ZNF486: variants seen among roughly 807,000 people sequenced by gnomAD.
The protein encoded by ZNF486 is KRAB box only protein 2.
ZNF486 carries 12 observed loss-of-function variants against 12.8 expected under a neutral mutation model. That is an observed-to-expected ratio of 0.94 (90% CI 0.60 to 1.52). The LOEUF (loss-of-function observed/expected upper bound fraction) is 1.52. ZNF486 is among the 40% of genes most tolerant of loss of function. The pLI is 0.00. For missense variants in ZNF486, 738 were observed against 545.0 expected (o/e 1.35, Z -3.53); for synonymous variants, 231 against 184.9 (o/e 1.25, Z -2.02).
intron 1 of ZNF486, among the ~76,000 whole-genome samples, chr19:20,169,518 A>T (rs75714082): frequency 1.3e-5 from 2 of 152,232 alleles, no homozygotes; most frequent in African/African-American, 4.8e-5. Flanking sequence ...GAGAGAAGCT[A>T]CGGAGCCCTG....
At chr19:20,168,139 A>G (rs1205746462) in intron 1 of ZNF486, among the ~76,000 whole-genome samples, 2 of 151,634 alleles carry the variant, frequency 1.3e-5, no homozygotes, top group Non-Finnish European at 1.5e-5. Flanking sequence ...AGGCGGGAGG[A>G]TCTTGTGGTC....
intron 1 of ZNF486, chr19:20,176,099 A>G: frequency 5.5e-6 from 1 of 181,640 alleles, no homozygotes; most frequent in South Asian, 8.8e-5. Flanking sequence ...GGGTCTCCTC[A>G]CCTCTCAGAT....
At position 20,197,736 on chromosome 19, in the gene ZNF486, G is replaced by T; in HGVS notation, c.1026G>T (p.Lys342Asn). The change falls in exon 4 of 4, where the codon AAG becomes AAT. Residue 342 changes from lysine (K) to asparagine (N), a missense_variant. Lys to Asn is a moderately conservative substitution (Grantham distance 94). Transcript: ENST00000335117. ...ISSSILSKHE[K>N]IHTGEKPYKC... is the part of the protein sequence containing the mutation. The stretch of plus-strand genomic sequence containing the variant: ...CCTCGATCCTTAGTAAACATGAGAA[G>T]ATTCATACGGGAGAGAAACCCTACA... The T allele has an allele frequency of 6.2e-7, 1 of 1,606,754 alleles. No individual in the cohort carries two copies. Among genetic ancestry groups the T allele is most frequent in the Non-Finnish European group, 8.5e-7 (1 of 1,177,560 alleles).
In ZNF486 at chr19:20,198,372, G is replaced by T; in HGVS notation, c.*270G>T. The T allele has an allele frequency of 2.5e-6, 1 of 394,980 alleles. No individual in the cohort carries two copies. The allele number at this position is 394,980 out of a possible 1,614,324, so 24.5% of individuals were successfully genotyped here. A position where few individuals can be genotyped will look rare whatever the true frequency, so the allele number is the denominator to read the frequency against. On this transcript the variant is annotated 3_prime_UTR_variant, in exon 4 of 4. Coordinates refer to ENST00000335117, the MANE Select transcript of ZNF486 (RefSeq NM_052852.4). The stretch of plus-strand genomic sequence containing the variant: ...CCTGCTTTGGCCTCCCAAAGTGTTG[G>T]GGTTACAGGCATGAGCCACTGTGCC...
In ZNF486 at chr19:20,197,457, C is replaced by T; in HGVS notation, c.747C>T (p.Tyr249=). The T allele has an allele frequency of 6.2e-7, 1 of 1,608,872 alleles. No homozygotes were observed. Among genetic ancestry groups the T allele is most frequent in the South Asian group, 1.1e-5 (1 of 90,570 alleles). Residue 249 remains tyrosine (Y), a synonymous_variant, in exon 4 of 4, where the codon TAC becomes TAT. Transcript: ENST00000335117. Reference sequence around the variant, plus strand: ...AAGAATGTGGCAAAGTCTTTAAGTACTTCTCTAGCTTTACTACACATAAGA... The same window carrying T: ...AAGAATGTGGCAAAGTCTTTAAGTATTTCTCTAGCTTTACTACACATAAGA... ...KCEECGKVFK[Y]FSSFTTHKKI...
Position 20,197,504 on chromosome 19 carries a change from C to T in ZNF486, c.794C>T (p.Pro265Leu). The T allele has an allele frequency of 6.2e-7, 1 of 1,609,310 alleles. No homozygotes were observed. Among genetic ancestry groups the T allele is most frequent in the Non-Finnish European group, 8.5e-7 (1 of 1,177,380 alleles). The change falls in exon 4 of 4, where the codon CCC becomes CTC. Residue 265 changes from proline to leucine, a missense_variant. By Grantham distance (98) the Pro-to-Leu change is moderately conservative. Transcript: ENST00000335117. ...AAGAAAATTCATAGTGGAGAGAAAC[C>T]CTACATTTGTGAAGAATGTGGCAAA... The part of the protein sequence containing the change: ...THKKIHSGEK[P>L]YICEECGKAF...
In ZNF486 at chr19:20,167,356, A is replaced by C. The variant is rs781995544; in HGVS notation, c.26A>C (p.Glu9Ala). Reference sequence around the variant, plus strand: ...ATGCCGGGACCCCTTAGAAGCCTAGAAATGGTGAGAGTGCCCATTGGACAT... The same window carrying C: ...ATGCCGGGACCCCTTAGAAGCCTAGCAATGGTGAGAGTGCCCATTGGACAT... MPGPLRSLEMESLQFRDVA... is the reference protein window; with the variant it reads MPGPLRSLAMESLQFRDVA... Residue 9 changes from glutamate to alanine, a missense_variant, in exon 1 of 4, where the codon GAA (glutamate) becomes GCA (alanine). Transcript: ENST00000335117. 6.2e-7 allele frequency: 1 copy of C among 1,613,774 alleles called. No individual in the cohort carries two copies. Among genetic ancestry groups the C allele is most frequent in the South Asian group, 1.1e-5 (1 of 91,048 alleles).
chr19:20,176,784 A>C (rs977796170), intron 1 of ZNF486: 1 of 153,032 alleles, frequency 6.5e-6, no homozygotes, highest in Non-Finnish European at 1.5e-5. Flanking sequence ...AGTACAGTCC[A>C]GCTTCGGCTC....
In ZNF486 at chr19:20,198,177, C is replaced by T. The variant is rs1452519446; in HGVS notation, c.*75C>T. 2 of 1,390,986 alleles carry T rather than the reference C, an allele frequency of 1.4e-6. No homozygotes were observed. Among genetic ancestry groups the T allele is most frequent in the African/African-American group, 1.5e-5 (1 of 68,626 alleles). The allele number at this position is 1,390,986 out of a possible 1,614,324, so 86.2% of individuals were successfully genotyped here. ...TGTTTCCCAGGCTGGAGTGCAATGG[C>T]ATAATTTTGGCTCACCACAACCTCC... On this transcript the variant is annotated 3_prime_UTR_variant, in exon 4 of 4. Transcript: ENST00000335117.
intron 1 of ZNF486, chr19:20,175,137 A>C (rs2089691486): frequency 6.6e-6 from 1 of 152,098 alleles, no homozygotes; most frequent in Non-Finnish European, 1.5e-5. Flanking sequence ...AAAATCTGCC[A>C]CCTTTCTTCA....
chr19:20,170,036 G>A lies in ZNF486; in HGVS notation c.30+2676G>A, dbSNP rs1018811810. Among the ~76,000 whole-genome samples the A allele has an allele frequency of 5.9e-5, 9 of 151,430 alleles. 1 individual carries two copies. The South Asian group carries it at 6.3e-4, about 11-fold the overall frequency. On this transcript the variant is annotated intron_variant, in intron 1 of 3. Transcript: ENST00000335117. ...CTCCCGAGTAGCTGGGACTACAGGC[G>A]CCCGCCACCACGCCCGGCTAATTTT... is the stretch of plus-strand genomic sequence containing the variant.
At chr19:20,195,483 G>A (rs2089949453) in intron 3 of ZNF486, among the ~76,000 whole-genome samples, 1 of 152,070 alleles carries the variant, frequency 6.6e-6, no homozygotes, top group Non-Finnish European at 1.5e-5. Context: ...AATTCATTTG[G>A]AATTTTAAAA....
At chr19:20,185,818 A>G (rs2089837343) in intron 2 of ZNF486, among the ~76,000 whole-genome samples, 169 bp from the exon 3 acceptor site, 1 of 151,260 alleles carries the variant, frequency 6.6e-6, no homozygotes, top group Non-Finnish European at 1.5e-5. Flanking sequence ...AAAAAAAAAG[A>G]AACCTTAAAG....
chr19:20,191,787 G>A (rs1264742537), intron 3 of ZNF486, among the ~76,000 whole-genome samples: 1 of 151,934 alleles, frequency 6.6e-6, no homozygotes, highest in Non-Finnish European at 1.5e-5. Flanking sequence ...AAGAAAAAAA[G>A]AAAAAGAAAT....
At chr19:20,180,695 T>C (rs1370405305) in intron 1 of ZNF486, among the ~76,000 whole-genome samples, 1 of 152,186 alleles carries the variant, frequency 6.6e-6, no homozygotes, top group African/African-American at 2.4e-5. Flanking sequence ...TGCCTCAGCC[T>C]CCAAAGTAGC....
In ZNF486 at chr19:20,197,628, T is replaced by C. The variant is rs575392753; in HGVS notation, c.918T>C (p.Pro306=). The change falls in exon 4 of 4, where the codon CCT becomes CCC. Residue 306 remains proline (P), a synonymous_variant. Transcript: ENST00000335117. ...AATGTGACAAAGCTTTTAACCATCCTGCAACTCTTTCTTCACATAAGAAAA... is the reference window on the plus strand; with the variant it reads ...AATGTGACAAAGCTTTTAACCATCCCGCAACTCTTTCTTCACATAAGAAAA... ...CKECDKAFNH[P]ATLSSHKKIH... is the part of the protein sequence containing the mutation. 6.2e-7 allele frequency: 1 copy of C among 1,613,676 alleles called. No individual in the cohort carries two copies.
Position 20,184,356 on chromosome 19 carries a change from G to A in ZNF486, c.31G>A (p.Glu11Lys), listed in dbSNP as rs1555715996. 1.9e-6 allele frequency: 3 copies of A among 1,612,446 alleles called. No individual in the cohort carries two copies. The highest frequency in any genetic ancestry group is 1.7e-4 in the Middle Eastern group (1 of 6,046). The part of the protein sequence containing the change: MPGPLRSLEM[E>K]SLQFRDVAVE... ...ATGTGTGTGTGTGTGTGTTTTTCAG[G>A]AATCATTGCAATTTAGAGATGTGGC... The change falls in exon 2 of 4, where the codon GAA becomes AAA. Residue 11 changes from glutamate to lysine, a missense_variant and splice_region_variant. By Grantham distance (56) the Glu-to-Lys change is moderately conservative (BLOSUM62 1). Coordinates refer to ENST00000335117, the MANE Select transcript of ZNF486 (RefSeq NM_052852.4).
chr19:20,192,796 G>A (rs2089915188), intron 3 of ZNF486, among the ~76,000 whole-genome samples: 2 of 152,106 alleles, frequency 1.3e-5, no homozygotes, highest in African/African-American at 4.8e-5. Context: ...TTGCCATGTT[G>A]CCCAGGCTGG....
At chr19:20,175,269 C>T (rs836895) in intron 1 of ZNF486, 44,321 of 150,578 alleles carry the variant, frequency 0.29, 7,921 homozygotes, top group African/African-American at 0.48. Context: ...GAGCTTTTTC[C>T]TAATATCATT....
Sources: allele counts gnomAD v4.1 joint callset (sites outside exome capture counted in the v4.1 genomes callset), GRCh38; gene constraint gnomAD v4.1.1; transcripts MANE v1.5; gene names NCBI Gene and HGNC (gene_info 2026-07-23, HGNC 2026-07-21).